LRRC4C: variants seen among roughly 807,000 people sequenced by gnomAD.
LRRC4C encodes leucine-rich repeat-containing protein 4C.
LRRC4C carries 5 observed loss-of-function variants against 33.6 expected under a neutral mutation model. The observed-to-expected ratio is 0.15, with a 90% CI of 0.08 to 0.31. LRRC4C has a LOEUF of 0.31. Among genes scored for constraint, LRRC4C ranks in the 10% least tolerant of loss-of-function variants. The pLI is 1.00. For missense variants in LRRC4C, 560 were observed against 796.7 expected, an observed-to-expected ratio of 0.70 and a Z score of 3.58; for synonymous variants, 329 against 302.0, an observed-to-expected ratio of 1.09 and a Z score of -0.93.
intron 1 of LRRC4C, among the ~76,000 whole-genome samples, chr11:41,208,865 CT>C (rs1946703683): frequency 6.6e-6 from 1 of 152,154 alleles, no homozygotes; most frequent in South Asian, 2.1e-4. Context: ...GACAAGGCCA[CT>C]GCTCAGGGTC....
intron 2 of LRRC4C, among the ~76,000 whole-genome samples, chr11:40,923,925 T>C (rs995447747): frequency 3.3e-5 from 5 of 152,110 alleles, no homozygotes; most frequent in African/African-American, 1.2e-4. Flanking sequence ...GTCTACCAAA[T>C]GCTAATTTTT....
intron 2 of LRRC4C, among the ~76,000 whole-genome samples, chr11:40,698,698 T>C (rs1945704246): frequency 6.6e-6 from 1 of 152,066 alleles, no homozygotes; most frequent in African/African-American, 2.4e-5. Context: ...CTGGGCAATG[T>C]ATGAAGAAAA....
intron 1 of LRRC4C, among the ~76,000 whole-genome samples, chr11:41,380,811 AGTCT>A (rs963786875): frequency 2.6e-5 from 4 of 152,088 alleles, no homozygotes; most frequent in Non-Finnish European, 4.4e-5. Context: ...GTCCAATAGT[AGTCT>A]GTCTGTCTGT....
chr11:40,648,116 T>G (rs905978729), intron 3 of LRRC4C, 26 bp downstream of exon 3: 1 of 152,166 alleles, frequency 6.6e-6, no homozygotes, highest in Non-Finnish European at 1.5e-5. Flanking sequence ...AGGATTCTAA[T>G]GGAAAAAATT....
chr11:41,329,028 A>G (rs913529703), intron 1 of LRRC4C, among the ~76,000 whole-genome samples: 1 of 152,224 alleles, frequency 6.6e-6, no homozygotes, highest in Non-Finnish European at 1.5e-5. Context: ...AGACTGAAAA[A>G]TAGTATGTGT....
At position 40,418,199 on chromosome 11, in the gene LRRC4C, C is replaced by T. The variant is rs371982023; in HGVS notation, c.-269-98478G>A. Among the ~76,000 whole-genome samples, 304 of 152,162 alleles carry T rather than the reference C, an allele frequency of 2.0e-3. 1 individual carries two copies. Among genetic ancestry groups the T allele is most frequent in the African/African-American group, 7.0e-3 (291 of 41,538 alleles). On this transcript the variant is annotated intron_variant, in intron 3 of 6. Transcript: ENST00000528697. ...CAGAGTGGAAGAAAATTTTTGCAAT[C>T]TATCTATTTATAGAAAGACAAAGGT...
At chr11:40,243,822 G>C (rs958512721) in intron 4 of LRRC4C, among the ~76,000 whole-genome samples, 117 of 148,200 alleles carry the variant, frequency 7.9e-4, no homozygotes, top group Non-Finnish European at 2.7e-4. Context: ...TTGAGTAGCT[G>C]GGATTATAGG....
intron 3 of LRRC4C, among the ~76,000 whole-genome samples, chr11:40,406,641 A>T (rs1949974389): frequency 6.6e-6 from 1 of 152,094 alleles, no homozygotes; most frequent in African/African-American, 2.4e-5. Flanking sequence ...TGATTTCAGT[A>T]TTTTCCAAAG....
intron 1 of LRRC4C, among the ~76,000 whole-genome samples, chr11:41,173,166 C>T (rs1035998380): frequency 3.3e-5 from 5 of 152,104 alleles, no homozygotes; most frequent in South Asian, 2.1e-4. Context: ...ATTAGATAAA[C>T]CAATTCCTTA....
intron 3 of LRRC4C, among the ~76,000 whole-genome samples, chr11:40,523,470 C>A (rs966489094): frequency 1.3e-5 from 2 of 150,822 alleles, no homozygotes; most frequent in Non-Finnish European, 3.0e-5. Context: ...TACCATCCTG[C>A]AGTCTTACTG....
intron 2 of LRRC4C, among the ~76,000 whole-genome samples, chr11:40,834,919 C>G (rs75145963): frequency 7.7e-5 from 4 of 51,658 alleles, no homozygotes; most frequent in South Asian, 1.5e-3. Context: ...CAGACACACA[C>G]ACACACACAC....
chr11:41,220,178 GA>G (rs1947239636), intron 1 of LRRC4C, among the ~76,000 whole-genome samples: 1 of 152,068 alleles, frequency 6.6e-6, no homozygotes, highest in Admixed American at 6.6e-5. Flanking sequence ...TGTTTCTTGA[GA>G]GCTTACTTTG....
intron 2 of LRRC4C, among the ~76,000 whole-genome samples, chr11:40,675,767 T>A (rs961598970): frequency 2.0e-5 from 3 of 152,226 alleles, no homozygotes; most frequent in Non-Finnish European, 2.9e-5. Flanking sequence ...CACAGTCTTT[T>A]GAATGCCTAG....
chr11:40,501,435 G>A (rs1452314234), intron 3 of LRRC4C, among the ~76,000 whole-genome samples: 1 of 152,178 alleles, frequency 6.6e-6, no homozygotes, highest in East Asian at 1.9e-4. Context: ...TGTCCCTGCA[G>A]CAAATTTCTG....
chr11:40,553,490 T>C (rs1957209379), intron 3 of LRRC4C, among the ~76,000 whole-genome samples: 1 of 152,208 alleles, frequency 6.6e-6, no homozygotes, highest in African/African-American at 2.4e-5. Context: ...ATTGTCACTA[T>C]CATAGAAACT....
intron 1 of LRRC4C, among the ~76,000 whole-genome samples, chr11:41,123,763 TG>T (rs1238321218): frequency 6.6e-6 from 1 of 152,208 alleles, no homozygotes; most frequent in Non-Finnish European, 1.5e-5. Context: ...TTTAAAACAT[TG>T]TGCCTATAAT....
intron 2 of LRRC4C, among the ~76,000 whole-genome samples, chr11:40,881,723 C>G (rs1334834579): frequency 6.7e-6 from 1 of 150,368 alleles, no homozygotes; most frequent in African/African-American, 2.5e-5. Flanking sequence ...ACTTTGTATT[C>G]TAGATGTAAA....
intron 1 of LRRC4C, among the ~76,000 whole-genome samples, chr11:40,976,307 C>T (rs1452542746): frequency 6.6e-6 from 1 of 152,130 alleles, no homozygotes; most frequent in African/African-American, 2.4e-5. Context: ...GAACATTCAC[C>T]TGGATTTATT....
intron 2 of LRRC4C, among the ~76,000 whole-genome samples, chr11:40,813,345 T>A (rs1411615365): frequency 1.3e-5 from 2 of 152,154 alleles, no homozygotes; most frequent in African/African-American, 2.4e-5. Context: ...CAAAGACATG[T>A]CTTACATGGC....
Sources: gnomAD v4.1 joint callset for allele counts (sites outside exome capture counted in the v4.1 genomes callset) on GRCh38, gnomAD v4.1.1 for gene constraint, MANE v1.5 for transcripts, NCBI Gene and HGNC (gene_info 2026-07-23, HGNC 2026-07-21) for gene names.